RBMS3: variants seen among roughly 807,000 people sequenced by gnomAD.
RBMS3 encodes the protein RNA binding motif single stranded interacting protein 3.
A neutral mutation model predicts 66.8 loss-of-function variants in RBMS3; 27 were observed. The ratio of observed to expected loss-of-function variants is 0.40; its 90% CI spans 0.30 to 0.56. The LOEUF (loss-of-function observed/expected upper bound fraction) is 0.56, where lower values mean the gene tolerates loss of function less well. Among genes scored for constraint, RBMS3 ranks in the 20% least tolerant of loss-of-function variants. RBMS3 has a pLI of 0.40. For synonymous variants in RBMS3, 188 were observed against 183.0 expected (o/e 1.03, Z -0.22); for missense variants, 513 against 549.5 (o/e 0.93, Z 0.66).
At chr3:29,418,252 A>G (rs11719076) in intron 1 of RBMS3, among the ~76,000 whole-genome samples, 18,480 of 152,192 alleles carry the variant, frequency 0.12, 1,595 homozygotes, top group Admixed American at 0.28. Flanking sequence ...TAATCAAGAT[A>G]AAATAAGTGC....
chr3:29,898,958 T>C (rs2060190227), intron 9 of RBMS3, among the ~76,000 whole-genome samples: 1 of 151,624 alleles, frequency 6.6e-6, no homozygotes, highest in Non-Finnish European at 1.5e-5. Context: ...TCGATGTTGT[T>C]GATTCTCACC....
intron 8 of RBMS3, among the ~76,000 whole-genome samples, chr3:29,892,137 A>G (rs866318029): frequency 2.0e-5 from 3 of 151,524 alleles, no homozygotes; most frequent in Non-Finnish European, 4.4e-5. Flanking sequence ...CTAGATTTGC[A>G]TTTTCTGGAT....
intron 12 of RBMS3, among the ~76,000 whole-genome samples, chr3:29,974,909 T>C (rs950024837): frequency 7.0e-6 from 1 of 142,668 alleles, no homozygotes; most frequent in African/African-American, 2.5e-5. Context: ...TATATTTATA[T>C]ATTTTATATA....
intron 3 of RBMS3, among the ~76,000 whole-genome samples, chr3:29,518,996 A>C (rs1331716482): frequency 6.6e-6 from 1 of 152,214 alleles, no homozygotes; most frequent in Non-Finnish European, 1.5e-5. Context: ...AGGAAAGTAG[A>C]ATACGCAGAG....
In RBMS3 at chr3:29,658,770, C is replaced by T. The variant is rs979286273; in HGVS notation, c.399+71565C>T. On this transcript the variant is annotated intron_variant, in intron 4 of 14. Coordinates refer to ENST00000383767, the MANE Select transcript of RBMS3 (RefSeq NM_001003793.3). ...GTAATCTGCCTCAATATTAATGAGG[C>T]TTTTTGACATTCTGATTTCTTATTT... Among the ~76,000 whole-genome samples, 17 of 152,274 alleles carry T rather than the reference C, an allele frequency of 1.1e-4. No homozygotes were observed. The East Asian group carries it at 2.9e-3, about 26-fold the overall frequency.
Position 29,477,686 on chromosome 3 carries a change from GA to G in RBMS3, c.249-10745del, listed in dbSNP as rs72277424. 7.9e-3 allele frequency among the ~76,000 whole-genome samples: 1,181 copies of G among 148,622 alleles called. 15 individuals are homozygous for G. The highest frequency in any genetic ancestry group is 0.025 in the African/African-American group (998 of 40,722). On this transcript the variant is annotated intron_variant, in intron 2 of 14. Coordinates refer to ENST00000383767, the MANE Select transcript of RBMS3 (RefSeq NM_001003793.3). ...ATTAAAATTAGCTACTTGGGGATGA[GA>G]AAAAAAAAATGAGAGATATGTCAGT...
chr3:29,950,938 T>C (rs1472437081), intron 12 of RBMS3, among the ~76,000 whole-genome samples: 1 of 151,890 alleles, frequency 6.6e-6, no homozygotes, highest in Non-Finnish European at 1.5e-5. Flanking sequence ...TAACTAACAA[T>C]GTAAAATACC....
At chr3:29,471,667 T>A (rs2042730050) in intron 2 of RBMS3, among the ~76,000 whole-genome samples, 1 of 150,588 alleles carries the variant, frequency 6.6e-6, no homozygotes, top group African/African-American at 2.4e-5. Flanking sequence ...ACTATGCATC[T>A]CAAAACTACT....
intron 1 of RBMS3, among the ~76,000 whole-genome samples, chr3:29,356,536 C>T (rs1460850856): frequency 6.6e-6 from 1 of 152,082 alleles, no homozygotes; most frequent in Non-Finnish European, 1.5e-5. Flanking sequence ...TAGTGACTTT[C>T]ATTCTATTAA....
At chr3:29,702,040 C>T (rs554147501) in intron 4 of RBMS3, among the ~76,000 whole-genome samples, 1 of 152,214 alleles carries the variant, frequency 6.6e-6, no homozygotes, top group East Asian at 1.9e-4. Flanking sequence ...TTATGTCTAG[C>T]TAAAGGTTTG....
chr3:29,667,832 A>G (rs750173197), intron 4 of RBMS3, among the ~76,000 whole-genome samples: 1 of 152,192 alleles, frequency 6.6e-6, no homozygotes, highest in Non-Finnish European at 1.5e-5. Flanking sequence ...TAAAAACATT[A>G]GTAATCCTGT....
At chr3:29,983,823 T>A (rs1349161228) in intron 12 of RBMS3, among the ~76,000 whole-genome samples, 6 of 151,900 alleles carry the variant, frequency 3.9e-5, no homozygotes, top group African/African-American at 1.4e-4. Context: ...ACATGACCTT[T>A]CTTTCTGGCT....
intron 4 of RBMS3, among the ~76,000 whole-genome samples, chr3:29,721,301 A>T (rs1003836539): frequency 6.6e-6 from 1 of 152,138 alleles, no homozygotes; most frequent in African/African-American, 2.4e-5. Flanking sequence ...TCAACATTGG[A>T]AGCCTTATGT....
intron 12 of RBMS3, among the ~76,000 whole-genome samples, chr3:29,945,469 C>A (rs570907436): frequency 6.6e-6 from 1 of 151,718 alleles, no homozygotes; most frequent in Admixed American, 6.6e-5. Context: ...AATAAATTGC[C>A]ACTACTGAAA....
At chr3:29,488,584 C>A in intron 3 of RBMS3, 85 bp downstream of exon 3, 1 of 1,250,102 alleles carries the variant, frequency 8.0e-7, no homozygotes, top group Non-Finnish European at 1.1e-6. Context: ...CAGGTACCAG[C>A]TGCACAATGA....
At chr3:29,896,500 G>T (rs548718504) in intron 8 of RBMS3, among the ~76,000 whole-genome samples, 6 of 151,666 alleles carry the variant, frequency 4.0e-5, no homozygotes, top group African/African-American at 1.4e-4. Context: ...AGGCAACCTG[G>T]TTTTGTCTGT....
intron 4 of RBMS3, among the ~76,000 whole-genome samples, chr3:29,612,674 G>A (rs2048532124): frequency 6.6e-6 from 1 of 151,884 alleles, no homozygotes; most frequent in Admixed American, 6.6e-5. Flanking sequence ...GCCCTTTTTA[G>A]AATAAATGGT....
At chr3:29,717,954 C>A (rs1270251048) in intron 4 of RBMS3, among the ~76,000 whole-genome samples, 1 of 152,058 alleles carries the variant, frequency 6.6e-6, no homozygotes, top group Non-Finnish European at 1.5e-5. Context: ...TGTGAAGAGA[C>A]CTATTGTCAT....
intron 4 of RBMS3, among the ~76,000 whole-genome samples, chr3:29,624,970 A>G (rs1198880192): frequency 6.6e-6 from 1 of 152,068 alleles, no homozygotes; most frequent in Non-Finnish European, 1.5e-5. Flanking sequence ...ACCCAGTGGG[A>G]GGTGATTGGA....
Sources: allele counts gnomAD v4.1 joint callset (sites outside exome capture counted in the v4.1 genomes callset), GRCh38; gene constraint gnomAD v4.1.1; transcripts MANE v1.5; gene names NCBI Gene and HGNC (gene_info 2026-07-23, HGNC 2026-07-21).